Variants in KCNK5 observed in about 807,000 individuals in gnomAD.
KCNK5 encodes potassium two pore domain channel subfamily K member 5.
Under a neutral mutation model 32.9 loss-of-function variants are expected in KCNK5, and 18 were observed. That is an observed-to-expected ratio of 0.55 (90% CI 0.38 to 0.81). The LOEUF is 0.81. Ranked by LOEUF, KCNK5 falls within the 30% of genes least tolerant of loss-of-function variation. KCNK5 has a pLI of 0.00. For synonymous variants in KCNK5, 276 were observed against 275.3 expected (o/e 1.00, Z -0.03); for missense variants, 507 against 651.0 (o/e 0.78, Z 2.41).
intron 1 of KCNK5, among the ~76,000 whole-genome samples, chr6:39,225,577 G>A (rs997483094): frequency 7.9e-5 from 12 of 152,284 alleles, no homozygotes; most frequent in South Asian, 2.1e-4. Flanking sequence ...AATGAGAAGC[G>A]CAGAGGGGTG....
chr6:39,193,035 T>C (rs1770968308), intron 4 of KCNK5, among the ~76,000 whole-genome samples: 2 of 152,190 alleles, frequency 1.3e-5, no homozygotes, highest in African/African-American at 4.8e-5. Context: ...ATGACAGTAA[T>C]GAGGGCACAC....
intron 1 of KCNK5, 103 bp downstream of exon 1, chr6:39,228,823 A>G: frequency 8.7e-7 from 1 of 1,150,380 alleles, no homozygotes; most frequent in Non-Finnish European, 1.3e-6. Context: ...GACCTTCCAC[A>G]GGGACTGAGG....
chr6:39,204,447 C>T (rs1771187773), intron 1 of KCNK5, among the ~76,000 whole-genome samples: 1 of 152,268 alleles, frequency 6.6e-6, no homozygotes, highest in Non-Finnish European at 1.5e-5. Context: ...CCTACCTCCT[C>T]TCCATAGCAC....
rs184396902 is a variant in KCNK5, at chr6:39,190,766, G to A, written c.*124C>T. The A allele has an allele frequency of 3.5e-4, 332 of 952,094 alleles. No individual in the cohort carries two copies. The highest frequency in any genetic ancestry group is 2.9e-3 in the Middle Eastern group (9 of 3,120). The allele number at this position is 952,094 out of a possible 1,614,324, so 59.0% of individuals were successfully genotyped here. A position where few individuals can be genotyped will look rare whatever the true frequency, so the allele number is the denominator to read the frequency against. ...ATGATGGAAGGTTAGGAAGGCCCCT[G>A]GCCCCCCACTCCCAGTTCCGAGGCT... On this transcript the variant is annotated 3_prime_UTR_variant, in exon 5 of 5. Coordinates refer to ENST00000359534, the MANE Select transcript of KCNK5 (RefSeq NM_003740.4).
At chr6:39,226,529 C>A (rs2113801001) in intron 1 of KCNK5, among the ~76,000 whole-genome samples, 1 of 152,290 alleles carries the variant, frequency 6.6e-6, no homozygotes, top group East Asian at 1.9e-4. Context: ...TTTGTCCCAC[C>A]CCTGGTTGTA....
intron 1 of KCNK5, among the ~76,000 whole-genome samples, chr6:39,220,349 G>T (rs1253074537): frequency 1.3e-5 from 2 of 152,172 alleles, no homozygotes; most frequent in Non-Finnish European, 2.9e-5. Flanking sequence ...ATATTTAGAT[G>T]GAGGAGAGGA....
In KCNK5 at chr6:39,229,302, G is replaced by C. The variant is rs1480533906; in HGVS notation, c.-191C>G. 3 of 683,610 alleles carry C rather than the reference G, an allele frequency of 4.4e-6. No individual in the cohort carries two copies. The highest frequency in any genetic ancestry group is 7.2e-6 in the Non-Finnish European group (3 of 415,986). 42.3% of individuals were successfully genotyped at this position (683,610 alleles called of 1,614,324 possible). A position where few individuals can be genotyped will look rare whatever the true frequency, so the allele number is the denominator to read the frequency against. ...GCCAAGTTGGCCCACGGAGTGCGGG[G>C]AGCTGCGTGGGGCCCCACTCACGCG... On this transcript the variant is annotated 5_prime_UTR_variant, in exon 1 of 5. Transcript: ENST00000359534.
At chr6:39,200,090 G>A (rs1771110962) in intron 1 of KCNK5, among the ~76,000 whole-genome samples, 1 of 152,224 alleles carries the variant, frequency 6.6e-6, no homozygotes, top group Non-Finnish European at 1.5e-5. Flanking sequence ...GTTAGGGGAA[G>A]GGACATGGGA....
rs1583704439 is a variant in KCNK5, at chr6:39,194,182, A to G, written c.621T>C (p.Gly207=). The G allele has an allele frequency of 6.2e-7, 1 of 1,614,090 alleles. No individual in the cohort carries two copies. Among genetic ancestry groups the G allele is most frequent in the East Asian group, 2.2e-5 (1 of 44,862 alleles). ...SFITISTIGF[G]DFVAGVNPSA... is the part of the protein sequence containing the mutation. ...GCAGGGACTCACCGGCCACAAAGTC[A>G]CCGAAGCCGATGGTGGAGATGGTGA... Residue 207 remains glycine (G), a synonymous_variant, in exon 4 of 5, where the codon GGT becomes GGC. Transcript: ENST00000359534. The surrounding 1 kb of genome is among the most constrained non-coding windows in gnomAD (Gnocchi z 4.7).
intron 1 of KCNK5, among the ~76,000 whole-genome samples, chr6:39,207,946 G>A (rs1771258927): frequency 6.6e-6 from 1 of 152,000 alleles, no homozygotes; most frequent in South Asian, 2.1e-4. Flanking sequence ...GTCTCTCTAG[G>A]TTACACCTGT....
intron 1 of KCNK5, among the ~76,000 whole-genome samples, 189 bp from the exon 2 acceptor site, chr6:39,196,176 G>A (rs1007891285): frequency 2.0e-5 from 3 of 152,184 alleles, no homozygotes; most frequent in African/African-American, 7.2e-5. Flanking sequence ...CCAAGGTAAA[G>A]ATATGAACCC....
At chr6:39,195,197 G>A (rs931072728) in intron 2 of KCNK5, among the ~76,000 whole-genome samples, 1 of 152,204 alleles carries the variant, frequency 6.6e-6, no homozygotes, top group Non-Finnish European at 1.5e-5. Context: ...TTAGTGGCTT[G>A]ACAACAGAAG....
At chr6:39,198,354 C>A (rs1011157790) in intron 1 of KCNK5, among the ~76,000 whole-genome samples, 1 of 152,134 alleles carries the variant, frequency 6.6e-6, no homozygotes, top group African/African-American at 2.4e-5. Flanking sequence ...TATTTTAAAC[C>A]ACAGCACAGT....
rs746649956 is a variant in KCNK5, at chr6:39,228,908, G to T, written c.186+18C>A. On this transcript the variant is annotated intron_variant, in intron 1 of 4. Coordinates refer to ENST00000359534, the MANE Select transcript of KCNK5 (RefSeq NM_003740.4). ...AAGCCAGCTTCAGATGTATATGGGG[G>T]TACAGGCGGCGACTGACCTCTAGGA... 1.2e-6 allele frequency: 2 copies of T among 1,613,386 alleles called. No individual in the cohort carries two copies. Among genetic ancestry groups the T allele is most frequent in the East Asian group, 4.5e-5 (2 of 44,862 alleles).
Position 39,229,174 on chromosome 6 carries a change from C to A in KCNK5, c.-63G>T, listed in dbSNP as rs1437091320. 1.9e-6 allele frequency: 3 copies of A among 1,543,318 alleles called. No homozygotes were observed. Among genetic ancestry groups the A allele is most frequent in the East Asian group, 4.5e-5 (2 of 44,198 alleles). The stretch of plus-strand genomic sequence containing the variant: ...TAGCCCCAGCTGCTACCAGTCCGCC[C>A]GCCCTCCAGCCTCTGAAAACAGCTG... On this transcript the variant is annotated 5_prime_UTR_variant, in exon 1 of 5. Coordinates refer to ENST00000359534, the MANE Select transcript of KCNK5 (RefSeq NM_003740.4).
intron 1 of KCNK5, among the ~76,000 whole-genome samples, chr6:39,206,966 C>A (rs574612538): frequency 6.6e-6 from 1 of 152,312 alleles, no homozygotes; most frequent in East Asian, 1.9e-4. Flanking sequence ...TTGGGGAGGA[C>A]ACCTCCATTC....
chr6:39,195,972 C>T lies in KCNK5; in HGVS notation c.202G>A (p.Ala68Thr), dbSNP rs749172774. The change falls in exon 2 of 5, where the codon GCA (alanine) becomes ACA (threonine). Residue 68 changes from alanine (A) to threonine (T), a missense_variant. Ala to Thr is a moderately conservative substitution (Grantham distance 58, BLOSUM62 0). Around this residue, in one of 6 missense-constraint regions of KCNK5, gnomAD observed 143 missense variants for 219.1 expected, o/e 0.65. Transcript: ENST00000359534. ...DKILEVVSDA[A>T]GQGVAITGNQ... The stretch of plus-strand genomic sequence containing the variant: ...CCTGTGATGGCCACACCCTGTCCTG[C>T]AGCATCAGATACCACCTAAAATGAG... The T allele has an allele frequency of 1.9e-6, 3 of 1,612,234 alleles. No homozygotes were observed. Among genetic ancestry groups the T allele is most frequent in the Non-Finnish European group, 2.5e-6 (3 of 1,178,942 alleles).
Position 39,189,278 on chromosome 6 carries a change from A to G in KCNK5, c.*1612T>C, listed in dbSNP as rs574206677. 6.8e-4 allele frequency: 103 copies of G among 152,340 alleles called. No individual in the cohort carries two copies. Among genetic ancestry groups the G allele is most frequent in the African/African-American group, 2.1e-3 (87 of 41,540 alleles). 9.4% of individuals were successfully genotyped at this position (152,340 alleles called of 1,614,324 possible). A position where few individuals can be genotyped will look rare whatever the true frequency, so the allele number is the denominator to read the frequency against. ...AGAAGGCAGAGAGTGAACGGAGCTG[A>G]GCGGCTCTGATGACTTGCTTCCTGC... is the stretch of plus-strand genomic sequence containing the variant. On this transcript the variant is annotated 3_prime_UTR_variant, in exon 5 of 5. Coordinates refer to ENST00000359534, the MANE Select transcript of KCNK5 (RefSeq NM_003740.4).
chr6:39,229,362 G>C lies in KCNK5; in HGVS notation c.-251C>G, dbSNP rs1771729736. 1 of 551,616 alleles carries C rather than the reference G, an allele frequency of 1.8e-6. No individual in the cohort carries two copies. Among genetic ancestry groups the C allele is most frequent in the African/African-American group, 1.9e-5 (1 of 52,950 alleles). The allele number at this position is 551,616 out of a possible 1,614,324, so 34.2% of individuals were successfully genotyped here. A position where few individuals can be genotyped will look rare whatever the true frequency, so the allele number is the denominator to read the frequency against. ...GGGCGAACACCAGCGGGGCTGAAAG[G>C]GCGCCCTGGACCGCGGATGCGTAAG... On this transcript the variant is annotated 5_prime_UTR_variant, in exon 1 of 5. Coordinates refer to ENST00000359534, the MANE Select transcript of KCNK5 (RefSeq NM_003740.4).
Sources: allele counts gnomAD v4.1 joint callset (sites outside exome capture counted in the v4.1 genomes callset), GRCh38; gene constraint gnomAD v4.1.1; regional missense constraint gnomAD v4.1.1; non-coding constraint Gnocchi (gnomAD v3.1); transcripts MANE v1.5; gene names NCBI Gene and HGNC (gene_info 2026-07-23, HGNC 2026-07-21).